COPG2: variants seen among roughly 807,000 people sequenced by gnomAD.
COPG2 encodes coatomer subunit gamma-2.
In COPG2, 37 loss-of-function variants were observed where a neutral mutation model predicts 46.3. The observed-to-expected ratio is 0.80, with a 90% CI of 0.61 to 1.05. The LOEUF is 1.05. Among genes scored for constraint, COPG2 ranks in the 50% least tolerant of loss-of-function variants. COPG2 has a pLI of 0.00. For synonymous variants in COPG2, 159 were observed against 129.7 expected (o/e 1.23, Z -1.53); for missense variants, 427 against 387.8 (o/e 1.10, Z -0.85).
chr7:130,626,594 C>T (rs996400277), intron 5 of COPG2, among the ~76,000 whole-genome samples: 3 of 151,970 alleles, frequency 2.0e-5, no homozygotes, highest in Admixed American at 6.5e-5. Flanking sequence ...TGAACGAAAT[C>T]GGCCAGAAGT....
chr7:130,627,158 T>C (rs1554454397), intron 5 of COPG2, among the ~76,000 whole-genome samples: 1 of 152,226 alleles, frequency 6.6e-6, no homozygotes, highest in Non-Finnish European at 1.5e-5. Context: ...CCGTTTCCTA[T>C]AGTAAATGCT....
At chr7:130,667,287 T>C (rs931309607) in intron 2 of COPG2, among the ~76,000 whole-genome samples, 195 bp downstream of exon 2, 2 of 152,268 alleles carry the variant, frequency 1.3e-5, no homozygotes, top group Admixed American at 1.3e-4. Flanking sequence ...ACAGTCTTCA[T>C]GTCTTTGCAT....
intron 9 of COPG2, among the ~76,000 whole-genome samples, chr7:130,585,689 C>A (rs1017978870): frequency 6.6e-6 from 1 of 151,940 alleles, no homozygotes; most frequent in East Asian, 1.9e-4. Context: ...AGAAGATATA[C>A]AAATGAGCAA....
intron 9 of COPG2, among the ~76,000 whole-genome samples, chr7:130,593,812 A>G (rs1794476905): frequency 6.6e-6 from 1 of 152,212 alleles, no homozygotes; most frequent in African/African-American, 2.4e-5. Flanking sequence ...CTAAAATATG[A>G]AAGTTGAAGC....
At chr7:130,542,006 C>T (rs1329879803) in intron 20 of COPG2, among the ~76,000 whole-genome samples, 7 of 124,742 alleles carry the variant, frequency 5.6e-5, no homozygotes, top group Non-Finnish European at 6.6e-5. Context: ...GGTGAGTTTG[C>T]AGCATATGGG....
In COPG2 at chr7:130,520,469, C is replaced by G. The variant is rs899846315; in HGVS notation, c.2150-11810G>C. ...GAATTCAGATATCACCAGCTATCTG[C>G]TCATACAGCCTAAATACTTGTTAAT... is the stretch of plus-strand genomic sequence containing the variant. On this transcript the variant is annotated intron_variant, in intron 20 of 23. Coordinates refer to ENST00000425248, the MANE Select transcript of COPG2 (RefSeq NM_012133.6). Among the ~76,000 whole-genome samples, 257 of 152,268 alleles carry G rather than the reference C, an allele frequency of 1.7e-3. 2 individuals carry two copies. The highest frequency in any genetic ancestry group is 6.0e-3 in the African/African-American group (250 of 41,564).
chr7:130,580,214 T>C (rs1794105746), intron 9 of COPG2, among the ~76,000 whole-genome samples: 1 of 152,016 alleles, frequency 6.6e-6, no homozygotes, highest in Non-Finnish European at 1.5e-5. Context: ...CTCAACTACA[T>C]AGAAACTGAA....
intron 20 of COPG2, among the ~76,000 whole-genome samples, chr7:130,517,233 A>G (rs936300557): frequency 6.6e-6 from 1 of 152,206 alleles, no homozygotes; most frequent in Non-Finnish European, 1.5e-5. Flanking sequence ...AAGAAGGAAG[A>G]GAGAGCTGGC....
At chr7:130,611,213 T>G in intron 8 of COPG2, 103 bp from the exon 9 acceptor site, 1 of 1,050,610 alleles carries the variant, frequency 9.5e-7, no homozygotes, top group South Asian at 1.7e-5. Flanking sequence ...TTCTTTAAAA[T>G]ACCCAGGTCA....
intron 5 of COPG2, among the ~76,000 whole-genome samples, chr7:130,647,529 T>C (rs1350556809): frequency 1.3e-5 from 2 of 152,116 alleles, no homozygotes; most frequent in African/African-American, 4.8e-5. Flanking sequence ...GTATTACTGG[T>C]CACAGGGCAG....
intron 4 of COPG2, among the ~76,000 whole-genome samples, chr7:130,654,755 T>C (rs1410415490): frequency 4.6e-5 from 7 of 152,162 alleles, no homozygotes; most frequent in African/African-American, 1.7e-4. Context: ...GCTGATGCTC[T>C]GTTTATTTCT....
chr7:130,528,601 G>C (rs974359407), intron 20 of COPG2, among the ~76,000 whole-genome samples: 21 of 151,934 alleles, frequency 1.4e-4, no homozygotes, highest in Non-Finnish European at 2.5e-4. Flanking sequence ...GGACAGTACC[G>C]TGCTATGCAG....
At chr7:130,649,605 C>T (rs1229054739) in intron 5 of COPG2, among the ~76,000 whole-genome samples, 1 of 152,196 alleles carries the variant, frequency 6.6e-6, no homozygotes, top group Non-Finnish European at 1.5e-5. Context: ...GAGCCAGCAC[C>T]TTTAATGCAT....
At chr7:130,600,975 G>A (rs1419360444) in intron 9 of COPG2, among the ~76,000 whole-genome samples, 2 of 152,168 alleles carry the variant, frequency 1.3e-5, no homozygotes, top group Non-Finnish European at 2.9e-5. Flanking sequence ...ATAAAACACT[G>A]CAACTTCCAT....
chr7:130,518,172 G>A (rs954376947), intron 20 of COPG2, among the ~76,000 whole-genome samples: 4 of 152,204 alleles, frequency 2.6e-5, no homozygotes, highest in Admixed American at 2.6e-4. Flanking sequence ...CTCTTGGAAG[G>A]GAGAGAGGTA....
chr7:130,591,477 G>T (rs1343359150), intron 9 of COPG2, among the ~76,000 whole-genome samples: 30 of 83,324 alleles, frequency 3.6e-4, no homozygotes, highest in South Asian at 1.0e-3. Context: ...GGAGGTGGGG[G>T]GGTCAGCCCC....
intron 8 of COPG2, among the ~76,000 whole-genome samples, chr7:130,611,623 C>T (rs1794850888): frequency 6.6e-6 from 1 of 152,110 alleles, no homozygotes; most frequent in African/African-American, 2.4e-5. Flanking sequence ...GAATATGTTA[C>T]CATAGAAGTT....
At chr7:130,513,840 G>A (rs1799650862) in intron 20 of COPG2, among the ~76,000 whole-genome samples, 1 of 152,128 alleles carries the variant, frequency 6.6e-6, no homozygotes, top group Non-Finnish European at 1.5e-5. Flanking sequence ...GTTCTACTAG[G>A]GTCAACTGGG....
At chr7:130,535,869 A>C (rs1799875119) in intron 20 of COPG2, among the ~76,000 whole-genome samples, 1 of 152,242 alleles carries the variant, frequency 6.6e-6, no homozygotes, top group African/African-American at 2.4e-5. Flanking sequence ...CGGCAAAAGA[A>C]GAAAAAACAG....
Sources: gnomAD v4.1 joint callset for allele counts (sites outside exome capture counted in the v4.1 genomes callset) on GRCh38, gnomAD v4.1.1 for gene constraint, MANE v1.5 for transcripts, NCBI Gene and HGNC (gene_info 2026-07-23, HGNC 2026-07-21) for gene names.